SETBP1: variants seen among roughly 807,000 people sequenced by gnomAD.
SETBP1 encodes SET-binding protein.
In SETBP1, 9 loss-of-function variants were observed where a neutral mutation model predicts 101.0. The observed-to-expected ratio is 0.09, with a 90% CI of 0.05 to 0.16. The LOEUF is 0.16. SETBP1 is among the 10% of genes least tolerant of loss of function. The probability of loss-of-function intolerance (pLI) is 1.00; values close to 1 mark genes in which losing one functional copy is unlikely to be tolerated. For synonymous variants in SETBP1, 818 were observed against 788.5 expected (o/e 1.04, Z -0.63); for missense variants, 1,858 against 2,033.8 (o/e 0.91, Z 1.66).
intron 4 of SETBP1, among the ~76,000 whole-genome samples, chr18:44,983,420 C>G (rs2072158402): frequency 6.6e-6 from 1 of 152,118 alleles, no homozygotes; most frequent in Non-Finnish European, 1.5e-5. Flanking sequence ...CACTCTTACC[C>G]CCATTATACA....
At chr18:44,787,736 C>T (rs2071269875) in intron 2 of SETBP1, among the ~76,000 whole-genome samples, 1 of 145,662 alleles carries the variant, frequency 6.9e-6, no homozygotes, top group Non-Finnish European at 1.5e-5. Flanking sequence ...CGCCTGTAGT[C>T]CCAGCTACTG....
intron 2 of SETBP1, among the ~76,000 whole-genome samples, chr18:44,702,934 A>T (rs1433919050): frequency 6.6e-6 from 1 of 152,240 alleles, no homozygotes; most frequent in African/African-American, 2.4e-5. Context: ...TAAAAGTCAA[A>T]CATGGATGTG....
chr18:44,716,653 C>T (rs2144307296), intron 2 of SETBP1, among the ~76,000 whole-genome samples: 1 of 152,242 alleles, frequency 6.6e-6, no homozygotes, highest in African/African-American at 2.4e-5. Flanking sequence ...ACCTCCAACT[C>T]CCAGGTTCAA....
chr18:44,820,387 G>A (rs893508307), intron 2 of SETBP1, among the ~76,000 whole-genome samples: 1 of 152,178 alleles, frequency 6.6e-6, no homozygotes, highest in African/African-American at 2.4e-5. Flanking sequence ...GTACTTTCCT[G>A]GCCATCAAAT....
In SETBP1 at chr18:44,777,180, G is replaced by C. The variant is rs546265068; in HGVS notation, c.486+75348G>C. Among the ~76,000 whole-genome samples, 153 of 151,612 alleles carry C rather than the reference G, an allele frequency of 1.0e-3. 1 individual carries two copies. Among genetic ancestry groups the C allele is most frequent in the African/African-American group, 3.6e-3 (150 of 41,508 alleles). On this transcript the variant is annotated intron_variant, in intron 2 of 5. Coordinates refer to ENST00000649279, the MANE Select transcript of SETBP1 (RefSeq NM_015559.3). ...AAAAATTAAAAAATTAGCTGGACAT[G>C]GTGGTGTACACCTGTGGTCCCAGCT... is the stretch of plus-strand genomic sequence containing the variant.
At chr18:44,858,019 C>A (rs374622496) in intron 2 of SETBP1, among the ~76,000 whole-genome samples, 1 of 152,108 alleles carries the variant, frequency 6.6e-6, no homozygotes, top group East Asian at 1.9e-4. Context: ...GAGTTTCTGG[C>A]GACACAGCTG....
intron 2 of SETBP1, among the ~76,000 whole-genome samples, chr18:44,763,726 C>T (rs1448475454): frequency 6.6e-6 from 1 of 152,200 alleles, no homozygotes; most frequent in African/African-American, 2.4e-5. Flanking sequence ...ACTGACTGAC[C>T]TCACAGTCTC....
At chr18:45,035,940 C>G (rs1189827046) in intron 4 of SETBP1, among the ~76,000 whole-genome samples, 1 of 152,138 alleles carries the variant, frequency 6.6e-6, no homozygotes, top group African/African-American at 2.4e-5. Flanking sequence ...TGCCCCAGTG[C>G]CCATAGGCTT....
At chr18:44,830,571 C>T (rs985531743) in intron 2 of SETBP1, among the ~76,000 whole-genome samples, 8 of 152,054 alleles carry the variant, frequency 5.3e-5, no homozygotes, top group African/African-American at 1.7e-4. Flanking sequence ...TTTGCCTATA[C>T]GAAGGGTGTT....
intron 2 of SETBP1, among the ~76,000 whole-genome samples, chr18:44,855,462 T>G (rs2072956510): frequency 6.6e-6 from 1 of 152,198 alleles, no homozygotes; most frequent in Admixed American, 6.5e-5. Context: ...CCTGAAGTTG[T>G]TGGGATGCCC....
At chr18:44,867,526 T>C (rs1346104626) in intron 2 of SETBP1, among the ~76,000 whole-genome samples, 2 of 152,246 alleles carry the variant, frequency 1.3e-5, no homozygotes, top group African/African-American at 4.8e-5. Context: ...TCTGCATGTC[T>C]GATTCTTTCA....
At chr18:44,699,304 A>C (rs2069073297) in intron 1 of SETBP1, among the ~76,000 whole-genome samples, 1 of 152,226 alleles carries the variant, frequency 6.6e-6, no homozygotes, top group South Asian at 2.1e-4. Flanking sequence ...ACACTGAGAA[A>C]GACCTACTGG....
chr18:45,002,164 C>A (rs1373473240), intron 4 of SETBP1, among the ~76,000 whole-genome samples: 1 of 152,170 alleles, frequency 6.6e-6, no homozygotes, highest in African/African-American at 2.4e-5. Flanking sequence ...CACCTTCTAG[C>A]TATGCTGATG....
At chr18:44,977,934 T>C (rs970869308) in intron 4 of SETBP1, among the ~76,000 whole-genome samples, 2 of 152,166 alleles carry the variant, frequency 1.3e-5, no homozygotes, top group African/African-American at 4.8e-5. Flanking sequence ...ACAGTTTTCA[T>C]CTATCAGAAA....
chr18:44,933,820 G>A (rs912100495), intron 3 of SETBP1, among the ~76,000 whole-genome samples: 1 of 152,184 alleles, frequency 6.6e-6, no homozygotes, highest in African/African-American at 2.4e-5. Flanking sequence ...TAGGGTGGGA[G>A]TGTCCCAATT....
chr18:44,985,199 G>A (rs1399837507), intron 4 of SETBP1, among the ~76,000 whole-genome samples: 1 of 152,060 alleles, frequency 6.6e-6, no homozygotes, highest in Non-Finnish European at 1.5e-5. Context: ...TGTGCTTTCA[G>A]GTTACAAATG....
At chr18:44,896,057 G>A (rs1047543482) in intron 3 of SETBP1, among the ~76,000 whole-genome samples, 2 of 152,048 alleles carry the variant, frequency 1.3e-5, no homozygotes, top group Non-Finnish European at 2.9e-5. Flanking sequence ...CCACAGCAGC[G>A]CTTCCTGGGT....
intron 4 of SETBP1, among the ~76,000 whole-genome samples, chr18:44,968,126 A>G (rs1034404972): frequency 1.3e-5 from 2 of 152,214 alleles, no homozygotes; most frequent in Non-Finnish European, 2.9e-5. Flanking sequence ...AGATGGTACC[A>G]TACCTGGTCC....
intron 4 of SETBP1, chr18:44,986,110 C>G (rs2145259097): frequency 6.6e-6 from 1 of 152,286 alleles, no homozygotes. Flanking sequence ...CTTAGTCAAA[C>G]CTCGATAGGA....
Sources: gnomAD v4.1 joint callset for allele counts (sites outside exome capture counted in the v4.1 genomes callset) on GRCh38, gnomAD v4.1.1 for gene constraint, MANE v1.5 for transcripts, NCBI Gene and HGNC (gene_info 2026-07-23, HGNC 2026-07-21) for gene names.